FAM118A: variants seen among roughly 807,000 people sequenced by gnomAD.
FAM118A encodes SIR2 antiphage like 2.
Under a neutral mutation model 38.2 loss-of-function variants are expected in FAM118A, and 25 were observed. The ratio of observed to expected loss-of-function variants is 0.65; its 90% CI spans 0.48 to 0.91. The LOEUF is 0.91. Among genes scored for constraint, FAM118A ranks in the 40% least tolerant of loss-of-function variants. The pLI, the probability that FAM118A is intolerant of heterozygous loss-of-function variation, is 0.00. For missense variants in FAM118A, 425 were observed against 463.3 expected, an observed-to-expected ratio of 0.92 and a Z score of 0.76; for synonymous variants, 178 against 184.1, an observed-to-expected ratio of 0.97 and a Z score of 0.27.
chr22:45,337,448 T>G (rs1467342962), intron 8 of FAM118A, among the ~76,000 whole-genome samples: 1 of 152,226 alleles, frequency 6.6e-6, no homozygotes, highest in Non-Finnish European at 1.5e-5. Flanking sequence ...CATTTTTTAT[T>G]GTTTAATATT....
chr22:45,320,666 G>A (rs1390296674), intron 1 of FAM118A, among the ~76,000 whole-genome samples: 3 of 152,180 alleles, frequency 2.0e-5, no homozygotes, highest in Admixed American at 1.3e-4. Flanking sequence ...TTGAAATTCT[G>A]GGCTCAAGGG....
intron 1 of FAM118A, among the ~76,000 whole-genome samples, chr22:45,320,324 TGGTGGCGCA>T (rs2084798449): frequency 6.6e-6 from 1 of 151,938 alleles, no homozygotes; most frequent in African/African-American, 2.4e-5. Context: ...TAGCCGGATG[TGGTGGCGCA>T]GGCCTGTGCC....
chr22:45,334,522 G>A (rs1409567177), intron 6 of FAM118A, among the ~76,000 whole-genome samples: 2 of 152,118 alleles, frequency 1.3e-5, no homozygotes, highest in African/African-American at 4.8e-5. Context: ...GTATGATTAG[G>A]GCAACAGCTT....
intron 8 of FAM118A, chr22:45,337,943 G>A (rs2086222184): frequency 2.1e-6 from 2 of 965,462 alleles, no homozygotes; most frequent in Non-Finnish European, 1.2e-6. Flanking sequence ...AGGGTCTGAT[G>A]GGAACCTGTT....
At chr22:45,337,645 A>G (rs1355544071) in intron 8 of FAM118A, among the ~76,000 whole-genome samples, 1 of 151,882 alleles carries the variant, frequency 6.6e-6, no homozygotes, top group Non-Finnish European at 1.5e-5. Context: ...GCCACCCCAC[A>G]TCTCCCAGGA....
At chr22:45,333,387 G>T (rs1396732485) in intron 6 of FAM118A, among the ~76,000 whole-genome samples, 1 of 151,774 alleles carries the variant, frequency 6.6e-6, no homozygotes, top group Non-Finnish European at 1.5e-5. Context: ...AAATTAGCTG[G>T]GTTTGGAGCG....
At chr22:45,327,497 G>C (rs1037595267) in intron 3 of FAM118A, among the ~76,000 whole-genome samples, 1 of 152,250 alleles carries the variant, frequency 6.6e-6, no homozygotes, top group Middle Eastern at 3.4e-3. Context: ...TGTGGCCCTT[G>C]CTCTTCCCTC....
At chr22:45,314,471 T>C (rs2084517622) in intron 1 of FAM118A, among the ~76,000 whole-genome samples, 1 of 152,180 alleles carries the variant, frequency 6.6e-6, no homozygotes, top group African/African-American at 2.4e-5. Context: ...GTGGGAAGGG[T>C]ATGGGACATG....
At chr22:45,325,141 TG>T (rs2085169356) in intron 3 of FAM118A, among the ~76,000 whole-genome samples, 1 of 152,176 alleles carries the variant, frequency 6.6e-6, no homozygotes, top group African/African-American at 2.4e-5. Flanking sequence ...GGAAGGGTAG[TG>T]GGGTCGCTGG....
At chr22:45,326,984 A>G (rs957413508) in intron 3 of FAM118A, among the ~76,000 whole-genome samples, 1 of 151,780 alleles carries the variant, frequency 6.6e-6, no homozygotes, top group Admixed American at 6.5e-5. Context: ...ACTGCACTCC[A>G]GCCTGGGTGA....
Position 45,339,309 on chromosome 22 carries a change from G to A in FAM118A, c.1055-1077G>A, listed in dbSNP as rs1228469365. Among the ~76,000 whole-genome samples the A allele has an allele frequency of 2.0e-5, 3 of 152,230 alleles. 1 individual carries two copies. Among genetic ancestry groups the A allele is most frequent in the African/African-American group, 7.2e-5 (3 of 41,528 alleles). On this transcript the variant is annotated intron_variant, in intron 8 of 8. Transcript: ENST00000441876. ...AGCTACTCAGGAGGCTGAGGCAGGAGAATTGCTTGAACCCAGGAGGCGGAG... is the reference window on the plus strand; with the variant it reads ...AGCTACTCAGGAGGCTGAGGCAGGAAAATTGCTTGAACCCAGGAGGCGGAG...
chr22:45,319,405 C>T (rs1409520483), intron 1 of FAM118A, among the ~76,000 whole-genome samples: 1 of 152,188 alleles, frequency 6.6e-6, no homozygotes, highest in Non-Finnish European at 1.5e-5. Flanking sequence ...CTCTTATCGT[C>T]CCCTTCCAAA....
intron 8 of FAM118A, 25 bp from the exon 9 acceptor site, chr22:45,340,361 G>C: frequency 6.2e-7 from 1 of 1,613,912 alleles, no homozygotes; most frequent in Non-Finnish European, 8.5e-7. Context: ...TAACCCTTGG[G>C]CATTTCATTC....
intron 8 of FAM118A, among the ~76,000 whole-genome samples, chr22:45,336,847 C>G (rs1313307454): frequency 2.6e-5 from 4 of 152,230 alleles, no homozygotes; most frequent in Non-Finnish European, 4.4e-5. Flanking sequence ...CTCCAGCCCC[C>G]AAGGGTGACC....
In FAM118A at chr22:45,335,392, ATCTT is replaced by A. The variant is rs771873769; in HGVS notation, c.970+15_970+18del. ...AGCACCACATTATTGGGTAAAGCAGATCTTTCTTCTTGCCAGCCTGTTTTTTGCC... is the reference window on the plus strand; with the variant it reads ...AGCACCACATTATTGGGTAAAGCAGATCTTCTTGCCAGCCTGTTTTTTGCC... On this transcript the variant is annotated intron_variant, in intron 7 of 8. Coordinates refer to ENST00000441876, the MANE Select transcript of FAM118A (RefSeq NM_017911.4). The A allele has an allele frequency of 7.4e-6, 12 of 1,614,026 alleles. No homozygotes were observed. The highest frequency in any genetic ancestry group is 2.2e-5 in the East Asian group (1 of 44,894).
Position 45,330,587 on chromosome 22 carries a change from G to T in FAM118A, c.523-16G>T. ...TTTGAGGATGTGTTTCTTTTTCTTG[G>T]CTTGATGTTTGGTAGGTCCTTGAAT... is the stretch of plus-strand genomic sequence containing the variant. On this transcript the variant is annotated splice_polypyrimidine_tract_variant and intron_variant, in intron 4 of 8. Transcript: ENST00000441876. 2.0e-6 allele frequency: 3 copies of T among 1,502,350 alleles called. No homozygotes were observed. The highest frequency in any genetic ancestry group is 2.4e-5 in the Admixed American group (1 of 40,916). The allele number at this position is 1,502,350 out of a possible 1,614,324, so 93.1% of individuals were successfully genotyped here. A position where few individuals can be genotyped will look rare whatever the true frequency, so the allele number is the denominator to read the frequency against.
chr22:45,321,924 A>G (rs780512687), intron 1 of FAM118A: 38 of 302,740 alleles, frequency 1.3e-4, no homozygotes, highest in Non-Finnish European at 1.9e-4. Flanking sequence ...TCTGCACCTT[A>G]GAGCACTCGT....
At chr22:45,335,059 A>G in intron 6 of FAM118A, 1 of 432,628 alleles carries the variant, frequency 2.3e-6, no homozygotes, top group East Asian at 3.6e-5. Flanking sequence ...GAATTCATGG[A>G]GTGCCACTCC....
At chr22:45,335,311 G>C (rs1035881926) in intron 6 of FAM118A, 39 bp from the exon 7 acceptor site, 9 of 1,613,456 alleles carry the variant, frequency 5.6e-6, no homozygotes, top group Non-Finnish European at 6.8e-6. Flanking sequence ...CGAGCTCTTG[G>C]TGTCTCGGCT....
Sources: gnomAD v4.1 joint callset for allele counts (sites outside exome capture counted in the v4.1 genomes callset) on GRCh38, gnomAD v4.1.1 for gene constraint, MANE v1.5 for transcripts, NCBI Gene and HGNC (gene_info 2026-07-23, HGNC 2026-07-21) for gene names.